Variants in ROBO1 observed in about 807,000 individuals in gnomAD.
ROBO1 encodes roundabout guidance receptor 1.
Under a neutral mutation model 195.9 loss-of-function variants are expected in ROBO1, and 149 were observed. The observed-to-expected ratio is 0.76, with a 90% CI of 0.67 to 0.87. The LOEUF is 0.87. ROBO1 is among the 40% of genes least tolerant of loss of function. ROBO1 has a pLI of 0.00. For missense variants in ROBO1, 1,933 were observed against 2,068.3 expected (o/e 0.93, Z 1.27); for synonymous variants, 816 against 733.2 (o/e 1.11, Z -1.82).
chr3:79,120,290 G>A (rs1254671339), intron 3 of ROBO1, among the ~76,000 whole-genome samples: 3 of 152,134 alleles, frequency 2.0e-5, no homozygotes, highest in East Asian at 3.8e-4. Context: ...AAGGATAGCA[G>A]AGAAACTAGA....
At chr3:79,555,963 T>C (rs376071617) in intron 2 of ROBO1, among the ~76,000 whole-genome samples, 89 of 152,276 alleles carry the variant, frequency 5.8e-4, no homozygotes, top group African/African-American at 2.1e-3. Flanking sequence ...GCCATGTGTG[T>C]TGAAGCAGAT....
At position 79,456,746 on chromosome 3, in the gene ROBO1, A is replaced by AT. The variant is rs761279736; in HGVS notation, c.88+133077dup. ...TTCAACAAATATTTAATAAATAGCT[A>AT]TTTTTTCTTTAGCGACTTTTAATAT... On this transcript the variant is annotated intron_variant, in intron 2 of 30. Coordinates refer to ENST00000464233, the MANE Select transcript of ROBO1 (RefSeq NM_002941.4). Among the ~76,000 whole-genome samples the AT allele has an allele frequency of 7.2e-5, 11 of 152,058 alleles. No individual in the cohort carries two copies. The South Asian group carries it at 1.7e-3, about 23-fold the overall frequency.
chr3:79,208,591 A>G (rs2081912933), intron 2 of ROBO1, among the ~76,000 whole-genome samples: 1 of 152,342 alleles, frequency 6.6e-6, no homozygotes, highest in East Asian at 1.9e-4. Flanking sequence ...AGGATAGCAG[A>G]GATGCATTTA....
Position 79,142,460 on chromosome 3 carries a change from A to C in ROBO1, c.89-16921T>G, listed in dbSNP as rs1241655646. Among the ~76,000 whole-genome samples, 8 of 152,256 alleles carry C rather than the reference A, an allele frequency of 5.3e-5. No homozygotes were observed. In the East Asian group the frequency reaches 7.7e-4, roughly 15 times the overall value. On this transcript the variant is annotated intron_variant, in intron 2 of 30. Transcript: ENST00000464233. The stretch of plus-strand genomic sequence containing the variant: ...ATTTGAAGGTATTTGAAGATACTGC[A>C]CCAACTAATTCCTTCCTTCTGCACC...
At chr3:79,592,628 A>C (rs972506193) in intron 1 of ROBO1, among the ~76,000 whole-genome samples, 11 of 151,936 alleles carry the variant, frequency 7.2e-5, no homozygotes, top group African/African-American at 2.7e-4. Flanking sequence ...CTTCCCTGAC[A>C]CTATTCCATT....
chr3:78,703,438 A>C (rs1006012993), intron 8 of ROBO1, among the ~76,000 whole-genome samples: 1 of 152,192 alleles, frequency 6.6e-6, no homozygotes, highest in Non-Finnish European at 1.5e-5. Flanking sequence ...GCTCACAAAG[A>C]GCTCAACTGG....
intron 2 of ROBO1, among the ~76,000 whole-genome samples, chr3:79,153,393 T>C (rs1201665857): frequency 6.6e-6 from 1 of 151,734 alleles, no homozygotes; most frequent in Non-Finnish European, 1.5e-5. Flanking sequence ...GCTAGCTCCA[T>C]GTTCCAAGCA....
At chr3:79,605,648 G>C (rs1254026757) in intron 1 of ROBO1, among the ~76,000 whole-genome samples, 2 of 151,854 alleles carry the variant, frequency 1.3e-5, no homozygotes, top group Non-Finnish European at 2.9e-5. Flanking sequence ...GTTGATTTCA[G>C]CCAGGCATTC....
At chr3:79,352,462 G>A (rs368194334) in intron 2 of ROBO1, among the ~76,000 whole-genome samples, 59 of 152,242 alleles carry the variant, frequency 3.9e-4, no homozygotes, top group South Asian at 8.3e-4. Flanking sequence ...GCTTAACACC[G>A]TCAACTAGAC....
chr3:79,124,888 A>C (rs2080186111), intron 3 of ROBO1, among the ~76,000 whole-genome samples: 2 of 152,196 alleles, frequency 1.3e-5, no homozygotes, highest in African/African-American at 4.8e-5. Context: ...TTTCTAATAC[A>C]ATTAGTTAAT....
chr3:79,371,541 A>G (rs866766217), intron 2 of ROBO1, among the ~76,000 whole-genome samples: 46 of 152,320 alleles, frequency 3.0e-4, no homozygotes, highest in Admixed American at 6.5e-4. Context: ...CTGGCTGAGG[A>G]AATTTTGAAT....
intron 1 of ROBO1, among the ~76,000 whole-genome samples, chr3:79,635,948 A>G (rs1945483667): frequency 6.6e-6 from 1 of 152,174 alleles, no homozygotes; most frequent in African/African-American, 2.4e-5. Context: ...CCTACCTAAT[A>G]TAGACTGTTA....
intron 3 of ROBO1, among the ~76,000 whole-genome samples, chr3:79,036,282 T>C (rs2078380004): frequency 6.6e-6 from 1 of 152,168 alleles, no homozygotes; most frequent in Non-Finnish European, 1.5e-5. Context: ...AATCAGTATA[T>C]TTTATCTTTA....
chr3:78,849,507 CAGTT>C (rs948565735), intron 4 of ROBO1, among the ~76,000 whole-genome samples: 13 of 152,210 alleles, frequency 8.5e-5, no homozygotes, highest in South Asian at 4.2e-4. Context: ...CACAAAGCAA[CAGTT>C]AGTCTCTTTT....
chr3:78,950,788 ACTT>A (rs2040736997), intron 3 of ROBO1, among the ~76,000 whole-genome samples: 1 of 151,910 alleles, frequency 6.6e-6, no homozygotes, highest in African/African-American at 2.4e-5. Flanking sequence ...TTTCATAGTT[ACTT>A]CACTCAGTAG....
At chr3:78,808,907 G>A (rs543859356) in intron 4 of ROBO1, among the ~76,000 whole-genome samples, 1 of 151,966 alleles carries the variant, frequency 6.6e-6, no homozygotes, top group African/African-American at 2.4e-5. Flanking sequence ...GAAGAAAACC[G>A]AGGCAATACC....
intron 2 of ROBO1, among the ~76,000 whole-genome samples, chr3:79,232,149 C>G (rs887726637): frequency 1.3e-5 from 2 of 151,638 alleles, no homozygotes; most frequent in Non-Finnish European, 2.9e-5. Flanking sequence ...ATCAAATCCC[C>G]TTGACACAAG....
At chr3:79,471,729 T>A (rs11919183) in intron 2 of ROBO1, among the ~76,000 whole-genome samples, 5,218 of 152,186 alleles carry the variant, frequency 0.034, 203 homozygotes, top group African/African-American at 0.098. Flanking sequence ...ATGTAGCACA[T>A]ATACACCATG....
intron 12 of ROBO1, 58 bp downstream of exon 12, chr3:78,668,426 G>T: frequency 6.3e-7 from 1 of 1,595,450 alleles, no homozygotes; most frequent in Non-Finnish European, 8.6e-7. Flanking sequence ...CAATATCCCA[G>T]TAAGTAAACA....
Sources: allele counts gnomAD v4.1 joint callset (sites outside exome capture counted in the v4.1 genomes callset), GRCh38; gene constraint gnomAD v4.1.1; transcripts MANE v1.5; gene names NCBI Gene and HGNC (gene_info 2026-07-23, HGNC 2026-07-21).